The following PIRT variants were observed in gnomAD, a reference collection of about 807,000 sequenced individuals.
PIRT encodes phosphoinositide interacting regulator of transient receptor potential channels, also known as phosphoinositide-interacting protein.
A neutral mutation model predicts 7.9 loss-of-function variants in PIRT; 6 were observed. The ratio of observed to expected loss-of-function variants is 0.76; its 90% CI spans 0.42 to 1.51. PIRT has a LOEUF of 1.51. Ranked by LOEUF, PIRT falls within the 40% of genes most tolerant of loss-of-function variation. The pLI is 0.01. For synonymous variants in PIRT, 78 were observed against 71.8 expected, an observed-to-expected ratio of 1.09 and a Z score of -0.44; for missense variants, 170 against 172.9, an observed-to-expected ratio of 0.98 and a Z score of 0.09.
At chr17:10,834,831 C>G (rs1444788229) in intron 1 of PIRT, among the ~76,000 whole-genome samples, 1 of 151,626 alleles carries the variant, frequency 6.6e-6, no homozygotes, top group East Asian at 1.9e-4. Context: ...ACCTCATGAT[C>G]TGCCTGCCTT....
At chr17:10,835,150 C>G (rs1225548528) in intron 1 of PIRT, among the ~76,000 whole-genome samples, 1 of 152,216 alleles carries the variant, frequency 6.6e-6, no homozygotes, top group Non-Finnish European at 1.5e-5. Context: ...AGGCAGGCTT[C>G]CTTCTGCTGG....
intron 1 of PIRT, among the ~76,000 whole-genome samples, chr17:10,833,842 A>G (rs1905521041): frequency 6.6e-6 from 1 of 152,260 alleles, no homozygotes. Flanking sequence ...TAAACATTAC[A>G]TATAACAAGT....
intron 1 of PIRT, among the ~76,000 whole-genome samples, chr17:10,837,254 G>A (rs938364557): frequency 6.6e-5 from 10 of 152,230 alleles, no homozygotes; most frequent in African/African-American, 1.9e-4. Flanking sequence ...GGGCGATTGC[G>A]TGTGTGACCA....
At position 10,825,566 on chromosome 17, in the gene PIRT, G is replaced by T; in HGVS notation, c.80C>A (p.Thr27Asn). 1.9e-6 allele frequency: 3 copies of T among 1,592,998 alleles called. No homozygotes were observed. Among genetic ancestry groups the T allele is most frequent in the East Asian group, 2.3e-5 (1 of 43,996 alleles). Residue 27 changes from threonine to asparagine, a missense_variant, in exon 2 of 2, where the codon ACC becomes AAC. Physicochemically the swap from Thr to Asn is moderately conservative, Grantham distance 65. Transcript: ENST00000580256. ...PEAKDLLPSQ[T>N]ASSLCISSRS... ...GGAGCTGATGCACAGGGAGCTGGCG[G>T]TCTGGCTGGGCAGCAGGTCCTTGGC... is the stretch of plus-strand genomic sequence containing the variant.
Position 10,829,040 on chromosome 17 carries a change from T to A in PIRT, c.-138-3257A>T, listed in dbSNP as rs1905401175. 2.6e-5 allele frequency among the ~76,000 whole-genome samples: 4 copies of A among 152,188 alleles called. No homozygotes were observed. The South Asian group carries it at 8.3e-4, about 32-fold the overall frequency. ...CAAAGTAGCCATTTAAAAGGTGATTTTTTTCCCCCTGTGGGCTTGGGGGTA... is the reference window on the plus strand; with the variant it reads ...CAAAGTAGCCATTTAAAAGGTGATTATTTTCCCCCTGTGGGCTTGGGGGTA... On this transcript the variant is annotated intron_variant, in intron 1 of 1. Coordinates refer to ENST00000580256, the MANE Select transcript of PIRT (RefSeq NM_001101387.2).
intron 1 of PIRT, among the ~76,000 whole-genome samples, chr17:10,837,595 G>A (rs1051827966): frequency 4.6e-5 from 7 of 152,188 alleles, no homozygotes; most frequent in African/African-American, 7.2e-5. Context: ...GATTTGGGAG[G>A]AGAGTCCCTG....
At position 10,824,973 on chromosome 17, in the gene PIRT, A is replaced by G. The variant is rs1161053995; in HGVS notation, c.*259T>C. 1 of 484,518 alleles carries G rather than the reference A, an allele frequency of 2.1e-6. No homozygotes were observed. The highest frequency in any genetic ancestry group is 3.3e-5 in the East Asian group (1 of 29,986). 30.0% of individuals were successfully genotyped at this position (484,518 alleles called of 1,614,324 possible). A position where few individuals can be genotyped will look rare whatever the true frequency, so the allele number is the denominator to read the frequency against. ...ATGAATGATGCCTGGATGCAGGGGCAGGGGGTTAGAGTGACCAAAGGGAAG... is the reference window on the plus strand; with the variant it reads ...ATGAATGATGCCTGGATGCAGGGGCGGGGGGTTAGAGTGACCAAAGGGAAG... On this transcript the variant is annotated 3_prime_UTR_variant, in exon 2 of 2. Coordinates refer to ENST00000580256, the MANE Select transcript of PIRT (RefSeq NM_001101387.2).
chr17:10,825,208 G>T lies in PIRT; in HGVS notation c.*24C>A, dbSNP rs1880321618. The stretch of plus-strand genomic sequence containing the variant: ...CATCAGATCTTCTCCCAGTCAAGGT[G>T]GCAGGGAGATGCGGAAACCACCATC... On this transcript the variant is annotated 3_prime_UTR_variant, in exon 2 of 2. Transcript: ENST00000580256. The T allele has an allele frequency of 6.2e-6, 10 of 1,608,178 alleles. No individual in the cohort carries two copies. Among genetic ancestry groups the T allele is most frequent in the Non-Finnish European group, 8.5e-6 (10 of 1,176,170 alleles).
chr17:10,829,552 C>T (rs1038573748), intron 1 of PIRT, among the ~76,000 whole-genome samples: 1 of 152,154 alleles, frequency 6.6e-6, no homozygotes, highest in East Asian at 1.9e-4. Context: ...TATACCAACC[C>T]CCACATCAGG....
Position 10,823,185 on chromosome 17 carries a change from A to G in PIRT, c.*2047T>C, listed in dbSNP as rs1241966006. ...TCTCAGAAGAAGGGAAATGATCTGC[A>G]AGGTTTGTCACTGAGGCACTAAAAC... On this transcript the variant is annotated 3_prime_UTR_variant, in exon 2 of 2. Transcript: ENST00000580256. 2 of 152,268 alleles carry G rather than the reference A, an allele frequency of 1.3e-5. No homozygotes were observed. The highest frequency in any genetic ancestry group is 4.8e-5 in the African/African-American group (2 of 41,466). 9.4% of individuals were successfully genotyped at this position (152,268 alleles called of 1,614,324 possible).
chr17:10,824,852 C>A lies in PIRT; in HGVS notation c.*380G>T. The A allele has an allele frequency of 4.8e-6, 1 of 208,516 alleles. No homozygotes were observed. The highest frequency in any genetic ancestry group is 1.1e-4 in the South Asian group (1 of 9,316). The allele number at this position is 208,516 out of a possible 1,614,324, so 12.9% of individuals were successfully genotyped here. On this transcript the variant is annotated 3_prime_UTR_variant, in exon 2 of 2. Transcript: ENST00000580256. ...AAGTATGCAAATGAAGAATCCAGCT[C>A]TGGCACTCAGATATGTAAACATGAG...
At chr17:10,828,656 C>G (rs963628841) in intron 1 of PIRT, among the ~76,000 whole-genome samples, 2 of 152,182 alleles carry the variant, frequency 1.3e-5, no homozygotes, top group African/African-American at 4.8e-5. Context: ...ACATGTTACA[C>G]AGAGAGGAGT....
In PIRT at chr17:10,823,003, T is replaced by A. The variant is rs1010891321; in HGVS notation, c.*2229A>T. 1 of 152,108 alleles carries A rather than the reference T, an allele frequency of 6.6e-6. No individual in the cohort carries two copies. The highest frequency in any genetic ancestry group is 6.5e-5 in the Admixed American group (1 of 15,268). 9.4% of individuals were successfully genotyped at this position (152,108 alleles called of 1,614,324 possible). On this transcript the variant is annotated 3_prime_UTR_variant, in exon 2 of 2. Coordinates refer to ENST00000580256, the MANE Select transcript of PIRT (RefSeq NM_001101387.2). ...AGTATCCAAATGGGCCCTCCTCATA[T>A]AGCTGTGCCCAGGCTACAATCTCCT...
At chr17:10,836,764 A>G (rs1905601973) in intron 1 of PIRT, among the ~76,000 whole-genome samples, 1 of 152,184 alleles carries the variant, frequency 6.6e-6, no homozygotes, top group East Asian at 1.9e-4. Flanking sequence ...GGCTGGGCCC[A>G]GCGAGGGGAG....
intron 1 of PIRT, among the ~76,000 whole-genome samples, chr17:10,827,664 AG>A (rs1295389453): frequency 6.6e-6 from 1 of 150,654 alleles, no homozygotes; most frequent in Non-Finnish European, 1.5e-5. Flanking sequence ...TAGTAGGGAC[AG>A]GGTTTCACCA....
intron 1 of PIRT, among the ~76,000 whole-genome samples, chr17:10,828,779 G>T (rs137890509): frequency 2.2e-4 from 33 of 152,252 alleles, no homozygotes; most frequent in Middle Eastern, 3.4e-3. Flanking sequence ...TTCTGAACTA[G>T]TGTCTTCCCT....
intron 1 of PIRT, among the ~76,000 whole-genome samples, chr17:10,826,578 C>A (rs1905320132): frequency 6.6e-6 from 1 of 152,222 alleles, no homozygotes; most frequent in Non-Finnish European, 1.5e-5. Flanking sequence ...TAAATTGAAA[C>A]CTGACAATAA....
intron 1 of PIRT, among the ~76,000 whole-genome samples, chr17:10,827,539 A>T (rs1450089373): frequency 8.4e-6 from 1 of 119,316 alleles, no homozygotes; most frequent in Non-Finnish European, 1.6e-5. Flanking sequence ...CAGTGGTGCG[A>T]TCTTGGCTCA....
intron 1 of PIRT, among the ~76,000 whole-genome samples, chr17:10,830,641 GT>G (rs1164067842): frequency 6.6e-6 from 1 of 152,150 alleles, no homozygotes; most frequent in Non-Finnish European, 1.5e-5. Context: ...AAATGAAGGA[GT>G]TTTCTTAGCT....
Sources: gnomAD v4.1 joint callset for allele counts (sites outside exome capture counted in the v4.1 genomes callset) on GRCh38, gnomAD v4.1.1 for gene constraint, MANE v1.5 for transcripts, NCBI Gene and HGNC (gene_info 2026-07-23, HGNC 2026-07-21) for gene names.